The following DGKG variants were observed in gnomAD, a reference collection of about 807,000 sequenced individuals.
The protein encoded by DGKG is DAG kinase gamma.
In DGKG, 78 loss-of-function variants were observed where a neutral mutation model predicts 105.3. The ratio of observed to expected loss-of-function variants is 0.74; its 90% CI spans 0.62 to 0.89. The LOEUF (loss-of-function observed/expected upper bound fraction) is 0.89, where lower values mean the gene tolerates loss of function less well. Among genes scored for constraint, DGKG ranks in the 40% least tolerant of loss-of-function variants. DGKG has a pLI of 0.00. For synonymous variants in DGKG, 346 were observed against 367.1 expected, an observed-to-expected ratio of 0.94 and a Z score of 0.66; for missense variants, 958 against 1,020.1, an observed-to-expected ratio of 0.94 and a Z score of 0.83.
At chr3:186,256,015 C>A (rs1721451397) in intron 17 of DGKG, among the ~76,000 whole-genome samples, 1 of 152,158 alleles carries the variant, frequency 6.6e-6, no homozygotes. Context: ...GGATGAACTG[C>A]ATAAAGCTCT....
intron 22 of DGKG, among the ~76,000 whole-genome samples, chr3:186,174,140 C>T (rs146317292): frequency 6.6e-6 from 1 of 152,132 alleles, no homozygotes; most frequent in Non-Finnish European, 1.5e-5. Context: ...TCCGAGTCTG[C>T]CTTTTATCTG....
chr3:186,181,929 C>T (rs1467013703), intron 22 of DGKG, among the ~76,000 whole-genome samples: 1 of 152,200 alleles, frequency 6.6e-6, no homozygotes, highest in Non-Finnish European at 1.5e-5. Flanking sequence ...AGTGAAGAGT[C>T]TGAGGAAATA....
intron 24 of DGKG, among the ~76,000 whole-genome samples, chr3:186,152,289 G>A (rs577191117): frequency 1.7e-4 from 26 of 152,222 alleles, no homozygotes; most frequent in African/African-American, 6.3e-4. Context: ...ACATCATTTT[G>A]TGCTGTGTGT....
chr3:186,164,982 T>C lies in DGKG; in HGVS notation c.2132A>G (p.Glu711Gly), dbSNP rs1475927945. 7.7e-6 allele frequency: 12 copies of C among 1,567,874 alleles called. No individual in the cohort carries two copies. In the Admixed American group the frequency reaches 2.1e-4, roughly 28 times the overall value. Residue 711 changes from glutamate to glycine, a missense_variant, in exon 23 of 25, where the codon GAA (glutamate) becomes GGA (glycine). Coordinates refer to ENST00000265022, the MANE Select transcript of DGKG (RefSeq NM_001346.3). ...GATCTGCCCCATCTCCATGGCTCCT[T>C]CTAGCCCCACCACTTCAAGGAGCTG... ...SDQLLEVVGL[E>G]GAMEMGQIYT...
chr3:186,220,376 C>T (rs897991016), intron 20 of DGKG, among the ~76,000 whole-genome samples: 3 of 152,114 alleles, frequency 2.0e-5, no homozygotes, highest in African/African-American at 7.2e-5. Flanking sequence ...TCTCACGGTA[C>T]AGCTTAGGAA....
intron 22 of DGKG, among the ~76,000 whole-genome samples, chr3:186,169,838 G>T (rs1286357434): frequency 6.6e-6 from 1 of 152,218 alleles, no homozygotes; most frequent in Non-Finnish European, 1.5e-5. Flanking sequence ...GATGATATTG[G>T]CTGTGGGCAG....
intron 3 of DGKG, among the ~76,000 whole-genome samples, chr3:186,304,442 G>A (rs1724129661): frequency 6.6e-6 from 1 of 152,306 alleles, no homozygotes; most frequent in South Asian, 2.1e-4. Context: ...GAGGGCACAG[G>A]CTCTGTTGAT....
intron 20 of DGKG, among the ~76,000 whole-genome samples, chr3:186,240,507 C>T (rs759765703): frequency 3.3e-5 from 5 of 152,130 alleles, no homozygotes; most frequent in Non-Finnish European, 7.4e-5. Flanking sequence ...TGCATGAGTA[C>T]GTATAAGGAT....
intron 14 of DGKG, 137 bp from the exon 15 acceptor site, chr3:186,261,915 G>C: frequency 1.7e-6 from 1 of 595,890 alleles, no homozygotes; most frequent in Non-Finnish European, 3.0e-6. Context: ...TCCACTGGCT[G>C]AATTTTCGGA....
At chr3:186,171,163 C>T (rs543979747) in intron 22 of DGKG, among the ~76,000 whole-genome samples, 35 of 152,312 alleles carry the variant, frequency 2.3e-4, no homozygotes, top group African/African-American at 7.7e-4. Flanking sequence ...GTACATATCA[C>T]TCTCTCAACT....
intron 17 of DGKG, among the ~76,000 whole-genome samples, chr3:186,257,197 T>C (rs1721521867): frequency 6.6e-6 from 1 of 152,078 alleles, no homozygotes; most frequent in East Asian, 1.9e-4. Context: ...CACTTTGCAG[T>C]GTTTGTCTGG....
At chr3:186,224,992 A>G (rs1177051205) in intron 20 of DGKG, among the ~76,000 whole-genome samples, 3 of 151,672 alleles carry the variant, frequency 2.0e-5, no homozygotes, top group African/African-American at 7.3e-5. Context: ...CTTTATTTCC[A>G]TATCTATTTA....
At chr3:186,309,664 T>C (rs1421751114) in intron 2 of DGKG, among the ~76,000 whole-genome samples, 1 of 152,230 alleles carries the variant, frequency 6.6e-6, no homozygotes, top group Non-Finnish European at 1.5e-5. Context: ...ACCCCTGGTG[T>C]GACTTCTGCA....
chr3:186,208,958 A>G (rs564575959), intron 21 of DGKG, among the ~76,000 whole-genome samples: 1 of 152,296 alleles, frequency 6.6e-6, no homozygotes, highest in South Asian at 2.1e-4. Context: ...AATGTACCTA[A>G]GCCTCATTTT....
At chr3:186,160,815 T>C (rs925157405) in intron 24 of DGKG, 29 of 985,362 alleles carry the variant, frequency 2.9e-5, no homozygotes, top group Admixed American at 6.1e-5. Flanking sequence ...TAGCTGCATT[T>C]CTAACTGAGG....
intron 21 of DGKG, among the ~76,000 whole-genome samples, chr3:186,191,552 C>T (rs570404738): frequency 1.3e-5 from 2 of 152,300 alleles, no homozygotes; most frequent in East Asian, 3.9e-4. Context: ...GTTCTAGTAT[C>T]CACCTTTGGC....
chr3:186,342,495 G>A (rs568486457), intron 1 of DGKG, among the ~76,000 whole-genome samples: 1 of 152,230 alleles, frequency 6.6e-6, no homozygotes, highest in South Asian at 2.1e-4. Flanking sequence ...CATTTCCCTT[G>A]TTGACATGGA....
At chr3:186,273,020 A>G (rs1248706723) in intron 10 of DGKG, among the ~76,000 whole-genome samples, 2 of 152,132 alleles carry the variant, frequency 1.3e-5, no homozygotes, top group Non-Finnish European at 2.9e-5. Context: ...GCACCTGGCC[A>G]AGGTCAGGGC....
intron 3 of DGKG, among the ~76,000 whole-genome samples, chr3:186,298,451 G>A (rs1396227377): frequency 6.6e-6 from 1 of 152,188 alleles, no homozygotes; most frequent in Non-Finnish European, 1.5e-5. Context: ...AAATGTTGCA[G>A]TTGCATATTG....
Sources: gnomAD v4.1 joint callset for allele counts (sites outside exome capture counted in the v4.1 genomes callset) on GRCh38, gnomAD v4.1.1 for gene constraint, MANE v1.5 for transcripts, NCBI Gene and HGNC (gene_info 2026-07-23, HGNC 2026-07-21) for gene names.